Variants in GRM1 observed in about 807,000 individuals in gnomAD.
The protein encoded by GRM1 is glutamate metabotropic receptor 1, also known as metabotropic glutamate receptor 1.
GRM1 carries 33 observed loss-of-function variants against 90.9 expected under a neutral mutation model. The observed-to-expected ratio is 0.36, with a 90% CI of 0.28 to 0.49. GRM1 has a LOEUF of 0.49. Ranked by LOEUF, GRM1 falls within the 20% of genes least tolerant of loss-of-function variation. GRM1 has a pLI of 0.99. For missense variants in GRM1, 1,190 were observed against 1,534.3 expected, an observed-to-expected ratio of 0.78 and a Z score of 3.75; for synonymous variants, 700 against 613.2, an observed-to-expected ratio of 1.14 and a Z score of -2.09.
At chr6:146,159,641 T>TCTCTCTCACACA (rs372590505) in intron 2 of GRM1, 44 bp downstream of exon 2, 29 of 728,740 alleles carry the variant, frequency 4.0e-5, no homozygotes, top group African/African-American at 3.4e-4. Context: ...TCTCTCTCTC[T>TCTCTCTCACACA]CACACACACA....
At chr6:146,066,210 TG>T (rs1389807572) in intron 1 of GRM1, among the ~76,000 whole-genome samples, 1 of 152,164 alleles carries the variant, frequency 6.6e-6, no homozygotes, top group Non-Finnish European at 1.5e-5. Flanking sequence ...TTTCAACCCT[TG>T]TCTTCCTCCC....
chr6:146,266,391 C>T (rs920162293), intron 2 of GRM1, among the ~76,000 whole-genome samples: 1 of 152,068 alleles, frequency 6.6e-6, no homozygotes, highest in Non-Finnish European at 1.5e-5. Context: ...CTTCAATTCT[C>T]ATTCTTCTAT....
At chr6:146,244,775 C>T (rs1184051412) in intron 2 of GRM1, among the ~76,000 whole-genome samples, 1 of 152,152 alleles carries the variant, frequency 6.6e-6, no homozygotes, top group East Asian at 1.9e-4. Context: ...CTAGCAACCC[C>T]TAATAGTCCT....
intron 6 of GRM1, among the ~76,000 whole-genome samples, chr6:146,393,851 C>A (rs766177034): frequency 6.6e-6 from 1 of 152,108 alleles, no homozygotes; most frequent in Non-Finnish European, 1.5e-5. Context: ...CATCACGATA[C>A]CTGACTTCAA....
chr6:146,134,479 G>A (rs1006852463), intron 1 of GRM1, among the ~76,000 whole-genome samples: 3 of 152,062 alleles, frequency 2.0e-5, no homozygotes, highest in African/African-American at 2.4e-5. Context: ...CTCACAGTTC[G>A]GGGTGGCTTG....
At chr6:146,291,244 T>C (rs1204005577) in intron 2 of GRM1, among the ~76,000 whole-genome samples, 2 of 152,022 alleles carry the variant, frequency 1.3e-5, no homozygotes, top group East Asian at 1.9e-4. Flanking sequence ...GGGTCTGTTG[T>C]ATGCAACATA....
chr6:146,117,853 T>G (rs1252181263), intron 1 of GRM1, among the ~76,000 whole-genome samples: 2 of 152,106 alleles, frequency 1.3e-5, no homozygotes, highest in African/African-American at 2.4e-5. Context: ...ATTTAAGTTC[T>G]TGATTGTCAT....
chr6:146,180,100 A>G (rs1389855837), intron 2 of GRM1, among the ~76,000 whole-genome samples: 2 of 152,220 alleles, frequency 1.3e-5, no homozygotes, highest in South Asian at 4.1e-4. Context: ...AGCCATGATC[A>G]CCTAGGTGAC....
intron 2 of GRM1, among the ~76,000 whole-genome samples, chr6:146,234,713 T>C (rs1780574853): frequency 6.6e-6 from 1 of 152,084 alleles, no homozygotes; most frequent in South Asian, 2.1e-4. Flanking sequence ...AAAACTAAAA[T>C]AAGAAAAAAA....
chr6:146,122,807 CT>C (rs1185020557), intron 1 of GRM1, among the ~76,000 whole-genome samples: 2 of 103,460 alleles, frequency 1.9e-5, no homozygotes, highest in African/African-American at 7.1e-5. Context: ...TCTGTGATTT[CT>C]TTTTTTCTTT....
chr6:146,184,571 C>T (rs1778662500), intron 2 of GRM1, among the ~76,000 whole-genome samples: 1 of 152,084 alleles, frequency 6.6e-6, no homozygotes, highest in Non-Finnish European at 1.5e-5. Context: ...GTACCATTAA[C>T]TAAATTTTTA....
intron 2 of GRM1, among the ~76,000 whole-genome samples, chr6:146,293,582 CT>C (rs1293578191): frequency 6.6e-6 from 1 of 151,894 alleles, no homozygotes; most frequent in East Asian, 1.9e-4. Flanking sequence ...CAGTCTTTGA[CT>C]GGTTTTAGTA....
intron 6 of GRM1, 56 bp from the exon 7 acceptor site, chr6:146,398,684 GACTGTGTCTCTGGTAATTAATAGGCAAGT>G: frequency 1.1e-6 from 1 of 902,754 alleles, no homozygotes; most frequent in Non-Finnish European, 1.9e-6. Flanking sequence ...ATGCAAAGAT[GACTGTGTCTCTGGTAATTAATAGGCAAGT>G]TGTTATTCCT....
intron 2 of GRM1, among the ~76,000 whole-genome samples, chr6:146,282,194 TC>T (rs2114857515): frequency 6.6e-6 from 1 of 152,316 alleles, no homozygotes; most frequent in South Asian, 2.1e-4. Context: ...GAATGTTCTT[TC>T]CCTGTATTTT....
intron 2 of GRM1, among the ~76,000 whole-genome samples, chr6:146,269,104 A>G (rs1782020831): frequency 6.6e-6 from 1 of 152,220 alleles, no homozygotes; most frequent in Non-Finnish European, 1.5e-5. Flanking sequence ...TTCCTTAAGG[A>G]AAGAGGCTTG....
chr6:146,116,941 C>G (rs1775772803), intron 1 of GRM1, among the ~76,000 whole-genome samples: 1 of 151,864 alleles, frequency 6.6e-6, no homozygotes, highest in Admixed American at 6.6e-5. Flanking sequence ...CACCCCCACT[C>G]CCATTTTTAT....
intron 2 of GRM1, among the ~76,000 whole-genome samples, chr6:146,196,366 C>A (rs1779120560): frequency 6.6e-6 from 1 of 150,572 alleles, no homozygotes; most frequent in South Asian, 2.1e-4. Context: ...CGGCTCACTG[C>A]AAGCCCCACC....
chr6:146,315,552 C>A (rs1783936536), intron 3 of GRM1, among the ~76,000 whole-genome samples: 1 of 152,118 alleles, frequency 6.6e-6, no homozygotes, highest in African/African-American at 2.4e-5. Flanking sequence ...TCCTTCAGAG[C>A]TGTAGTTCTC....
At chr6:146,127,040 C>T (rs1322961335) in intron 1 of GRM1, among the ~76,000 whole-genome samples, 2 of 152,164 alleles carry the variant, frequency 1.3e-5, no homozygotes, top group African/African-American at 2.4e-5. Flanking sequence ...GGGCTCCTCC[C>T]AGTGTCTTGA....
Sources: allele counts gnomAD v4.1 joint callset (sites outside exome capture counted in the v4.1 genomes callset), GRCh38; gene constraint gnomAD v4.1.1; transcripts MANE v1.5; gene names NCBI Gene and HGNC (gene_info 2026-07-23, HGNC 2026-07-21).